The following NCALD variants were observed in gnomAD, a reference collection of about 807,000 sequenced individuals.
NCALD encodes neurocalcin-delta.
A neutral mutation model predicts 18.6 loss-of-function variants in NCALD; 10 were observed. The observed-to-expected ratio is 0.54, with a 90% CI of 0.33 to 0.91. The LOEUF (loss-of-function observed/expected upper bound fraction) is 0.91, where lower values mean the gene tolerates loss of function less well. Among genes scored for constraint, NCALD ranks in the 40% least tolerant of loss-of-function variants. The pLI is 0.03. For synonymous variants in NCALD, 88 were observed against 87.4 expected, an observed-to-expected ratio of 1.01 and a Z score of -0.04; for missense variants, 184 against 247.6, an observed-to-expected ratio of 0.74 and a Z score of 1.72.
At chr8:102,082,382 A>T (rs1481900412) in intron 1 of NCALD, among the ~76,000 whole-genome samples, 2 of 151,752 alleles carry the variant, frequency 1.3e-5, no homozygotes, top group African/African-American at 2.4e-5. Flanking sequence ...TACAGGTGCC[A>T]GCCAAAAGCT....
intron 1 of NCALD, among the ~76,000 whole-genome samples, chr8:101,751,068 TA>T (rs1184443888): frequency 6.6e-6 from 1 of 152,062 alleles, no homozygotes; most frequent in Non-Finnish European, 1.5e-5. Context: ...AAACCACACA[TA>T]GCTCAAAGGT....
At chr8:101,847,399 G>A in intron 4 of NCALD, 1 of 200,870 alleles carries the variant, frequency 5.0e-6, no homozygotes, top group Non-Finnish European at 1.1e-5. Flanking sequence ...TGGACATGAT[G>A]CCTTCTAGAA....
chr8:101,803,251 GGAA>G, intron 4 of NCALD, among the ~76,000 whole-genome samples: 1 of 152,098 alleles, frequency 6.6e-6, no homozygotes, highest in Non-Finnish European at 1.5e-5. Flanking sequence ...CTCCATAAAT[GGAA>G]CAACAAAGCC....
At position 101,755,838 on chromosome 8, in the gene NCALD, G is replaced by T. The variant is rs1301396687; in HGVS notation, c.-20+35024C>A. Among the ~76,000 whole-genome samples the T allele has an allele frequency of 1.7e-4, 26 of 152,184 alleles. 1 individual carries two copies. The highest frequency in any genetic ancestry group is 1.7e-3 in the Admixed American group (26 of 15,274). On this transcript the variant is annotated intron_variant, in intron 1 of 3. Coordinates refer to ENST00000220931, the MANE Select transcript of NCALD (RefSeq NM_032041.3). The stretch of plus-strand genomic sequence containing the variant: ...TGTCCTGTGTGAATATGTATGCATT[G>T]TGAATGTGGGGACACACAGTAAATC...
At chr8:102,004,693 T>G (rs1356994545) in intron 2 of NCALD, among the ~76,000 whole-genome samples, 1 of 151,928 alleles carries the variant, frequency 6.6e-6, no homozygotes, top group African/African-American at 2.4e-5. Context: ...TACAGACCAA[T>G]GGAACAGAAC....
chr8:101,913,663 A>G (rs1157800977), intron 3 of NCALD, among the ~76,000 whole-genome samples: 3 of 151,824 alleles, frequency 2.0e-5, no homozygotes, highest in Non-Finnish European at 4.4e-5. Context: ...GCTCACCACA[A>G]CCTCCGCCTC....
chr8:101,777,194 T>C (rs1811828277), intron 1 of NCALD, among the ~76,000 whole-genome samples: 1 of 152,190 alleles, frequency 6.6e-6, no homozygotes, highest in East Asian at 1.9e-4. Flanking sequence ...AGCTTGCTCA[T>C]TTCTTTGTTC....
intron 1 of NCALD, among the ~76,000 whole-genome samples, chr8:102,054,921 A>G (rs1003305385): frequency 1.3e-5 from 2 of 152,104 alleles, no homozygotes; most frequent in African/African-American, 2.4e-5. Context: ...GTCCCCTCAG[A>G]ACCATCAGAT....
intron 2 of NCALD, among the ~76,000 whole-genome samples, chr8:102,007,110 G>A (rs1821741374): frequency 6.6e-6 from 1 of 152,228 alleles, no homozygotes; most frequent in Non-Finnish European, 1.5e-5. Flanking sequence ...AAGGAGATAT[G>A]AGGACTAAAT....
chr8:101,988,958 A>G (rs7006931), intron 2 of NCALD, among the ~76,000 whole-genome samples: 93,958 of 149,470 alleles, frequency 0.63, 31,108 homozygotes, highest in African/African-American at 0.83. Flanking sequence ...ATAGCAATGG[A>G]AAGAGAGATG....
intron 3 of NCALD, among the ~76,000 whole-genome samples, chr8:101,893,300 GACAAGCA>G (rs1816992894): frequency 6.6e-6 from 1 of 150,956 alleles, no homozygotes; most frequent in South Asian, 2.1e-4. Context: ...ATACTTTACA[GACAAGCA>G]AATGCTGAGA....
chr8:101,963,771 C>T (rs1048276530), intron 2 of NCALD, among the ~76,000 whole-genome samples: 1 of 152,136 alleles, frequency 6.6e-6, no homozygotes, highest in Non-Finnish European at 1.5e-5. Flanking sequence ...GAGGGCATCA[C>T]AAACACAGCC....
chr8:102,005,543 T>C (rs1821668295), intron 2 of NCALD, among the ~76,000 whole-genome samples: 1 of 152,272 alleles, frequency 6.6e-6, no homozygotes, highest in African/African-American at 2.4e-5. Flanking sequence ...ACCCAAAGGA[T>C]TATAAATCAT....
intron 3 of NCALD, among the ~76,000 whole-genome samples, chr8:101,911,794 G>T (rs573828517): frequency 6.6e-6 from 1 of 152,144 alleles, no homozygotes; most frequent in African/African-American, 2.4e-5. Flanking sequence ...AATAGCAAAG[G>T]TTTCTGTTTC....
chr8:101,804,598 T>C (rs867681040), intron 4 of NCALD, among the ~76,000 whole-genome samples: 1 of 131,222 alleles, frequency 7.6e-6, no homozygotes, highest in Non-Finnish European at 1.5e-5. Flanking sequence ...AATATATAAT[T>C]AATATAATTA....
intron 1 of NCALD, among the ~76,000 whole-genome samples, chr8:102,049,619 T>C (rs1361952121): frequency 6.6e-6 from 1 of 152,182 alleles, no homozygotes; most frequent in Non-Finnish European, 1.5e-5. Flanking sequence ...ACAAGCATCC[T>C]GTCTTCCAAA....
chr8:102,114,155 T>G (rs2132461577), intron 1 of NCALD, among the ~76,000 whole-genome samples: 1 of 152,338 alleles, frequency 6.6e-6, no homozygotes, highest in Non-Finnish European at 1.5e-5. Context: ...ATGAGATGAC[T>G]TCCCCAAAGT....
At chr8:101,878,947 T>A (rs905813790) in intron 4 of NCALD, among the ~76,000 whole-genome samples, 8 of 152,120 alleles carry the variant, frequency 5.3e-5, no homozygotes, top group Non-Finnish European at 7.3e-5. Context: ...GAACTTAGAG[T>A]CTAAGACAGC....
intron 1 of NCALD, among the ~76,000 whole-genome samples, chr8:102,083,908 G>A (rs761411028): frequency 6.6e-6 from 1 of 152,118 alleles, no homozygotes; most frequent in African/African-American, 2.4e-5. Context: ...AGACAGCTTT[G>A]ACCAAATTCT....
Sources: gnomAD v4.1 joint callset for allele counts (sites outside exome capture counted in the v4.1 genomes callset) on GRCh38, gnomAD v4.1.1 for gene constraint, MANE v1.5 for transcripts, NCBI Gene and HGNC (gene_info 2026-07-23, HGNC 2026-07-21) for gene names.